Variants in UBE2D2 observed in about 807,000 individuals in gnomAD.
UBE2D2 encodes ubiquitin conjugating enzyme E2 D2.
In UBE2D2, 2 loss-of-function variants were observed where a neutral mutation model predicts 24.2. That is an observed-to-expected ratio of 0.08 (90% CI 0.03 to 0.26). The LOEUF is 0.26. UBE2D2 is among the 10% of genes least tolerant of loss of function. The probability of loss-of-function intolerance (pLI) is 1.00; values close to 1 mark genes in which losing one functional copy is unlikely to be tolerated. For synonymous variants in UBE2D2, 58 were observed against 56.5 expected (o/e 1.03, Z -0.12); for missense variants, 44 against 177.6 (o/e 0.25, Z 4.28).
At chr5:139,609,684 T>TAA (rs1266903858) in intron 2 of UBE2D2, among the ~76,000 whole-genome samples, 1 of 142,818 alleles carries the variant, frequency 7.0e-6, no homozygotes, top group African/African-American at 2.5e-5. Context: ...CATCTCTATT[T>TAA]AAAAAAAAAA....
At chr5:139,619,801 T>C (rs1754481240) in intron 5 of UBE2D2, among the ~76,000 whole-genome samples, 1 of 152,004 alleles carries the variant, frequency 6.6e-6, no homozygotes, top group African/African-American at 2.4e-5. Context: ...AGGCGGAGGT[T>C]GCAGGAAGCT....
chr5:139,560,065 TGCTCGTCGCCCAG>T (rs1285023505), upstream of UBE2D2, among the ~76,000 whole-genome samples: 1 of 151,562 alleles, frequency 6.6e-6, no homozygotes, highest in Non-Finnish European at 1.5e-5. Context: ...GATGGAGTTT[TGCTCGTCGCCCAG>T]GCTGGAGTGC....
chr5:139,569,434 C>T (rs558573775), intron 1 of UBE2D2, among the ~76,000 whole-genome samples: 60 of 152,250 alleles, frequency 3.9e-4, no homozygotes, highest in African/African-American at 1.4e-3. Flanking sequence ...CTGTATATTT[C>T]TCTTAAAATA....
At chr5:139,626,636 G>C in intron 6 of UBE2D2, 120 bp from the exon 7 acceptor site, 2 of 766,538 alleles carry the variant, frequency 2.6e-6, no homozygotes, top group Non-Finnish European at 4.4e-6. Flanking sequence ...ATAGAAAGGG[G>C]CCTTTCCTTG....
At chr5:139,549,429 C>G (rs1025741360) in intron 1 of UBE2D2, among the ~76,000 whole-genome samples, 1 of 152,324 alleles carries the variant, frequency 6.6e-6, no homozygotes, top group African/African-American at 2.4e-5. Flanking sequence ...TTGGCGGCCC[C>G]GCACTCCGAG....
At chr5:139,591,832 C>T (rs1431408886) in intron 1 of UBE2D2, among the ~76,000 whole-genome samples, 1 of 152,052 alleles carries the variant, frequency 6.6e-6, no homozygotes, top group East Asian at 1.9e-4. Context: ...TGTTGCAACC[C>T]TAGTTAAGAT....
Position 139,590,296 on chromosome 5 carries a change from G to A in UBE2D2, c.25-10076G>A, listed in dbSNP as rs148940608. 7.8e-3 allele frequency among the ~76,000 whole-genome samples: 1,184 copies of A among 152,086 alleles called. 8 individuals carry two copies. Among genetic ancestry groups the A allele is most frequent in the Middle Eastern group, 0.041 (12 of 294 alleles). On this transcript the variant is annotated intron_variant, in intron 1 of 6. Coordinates refer to ENST00000398733, the MANE Select transcript of UBE2D2 (RefSeq NM_003339.3). The stretch of plus-strand genomic sequence containing the variant: ...CTAACAATACAAAAAATAGCTGGGC[G>A]TGGTGGTGGATGCCTGTAATCCCAG...
chr5:139,574,103 G>A (rs1202338459), intron 1 of UBE2D2, among the ~76,000 whole-genome samples: 2 of 142,722 alleles, frequency 1.4e-5, no homozygotes, highest in African/African-American at 5.2e-5. Flanking sequence ...TTTTTGAGAC[G>A]AAGTTTCGTT....
At chr5:139,570,168 G>A (rs556776044) in intron 1 of UBE2D2, among the ~76,000 whole-genome samples, 441 of 152,278 alleles carry the variant, frequency 2.9e-3, no homozygotes, top group African/African-American at 0.01. Context: ...TCAGGAGGCT[G>A]AGACAGGAGG....
upstream of UBE2D2, among the ~76,000 whole-genome samples, chr5:139,556,835 C>CT (rs563152839): frequency 0.015 from 2,095 of 144,098 alleles, 13 homozygotes; most frequent in Middle Eastern, 0.043. Flanking sequence ...TAGTTCCATA[C>CT]TTTTTTTTTT....
rs960401122 is a variant in UBE2D2, at chr5:139,605,370, A to G, written c.88+4935A>G. Among the ~76,000 whole-genome samples the G allele has an allele frequency of 5.9e-5, 9 of 152,096 alleles. No individual in the cohort carries two copies. In the South Asian group the frequency reaches 1.9e-3, roughly 32 times the overall value. On this transcript the variant is annotated intron_variant, in intron 2 of 6. Transcript: ENST00000398733. ...CACTTTGGGAGGCCGAGGCGGGCGG[A>G]TCACGAGGTCAGGAGATTGAGACCA...
At chr5:139,562,457 T>C (rs1226166443) in intron 1 of UBE2D2, 40 of 1,282,614 alleles carry the variant, frequency 3.1e-5, no homozygotes, top group Non-Finnish European at 4.1e-5. Flanking sequence ...TTTTATTCCT[T>C]GAGGTTGCTG....
intron 2 of UBE2D2, among the ~76,000 whole-genome samples, chr5:139,612,887 A>T (rs763301395): frequency 6.6e-6 from 1 of 152,096 alleles, no homozygotes; most frequent in Non-Finnish European, 1.5e-5. Context: ...TCATCCTCCC[A>T]TCTCAGCCTC....
intron 1 of UBE2D2, among the ~76,000 whole-genome samples, chr5:139,552,675 ATTTTTTTTT>A (rs35039276): frequency 6.7e-5 from 4 of 59,344 alleles, no homozygotes; most frequent in Non-Finnish European, 1.3e-4. Context: ...CGCTTGGCTA[ATTTTTTTTT>A]TTTTTTTTTT....
At chr5:139,538,570 T>A (rs1235179373) in intron 1 of UBE2D2, among the ~76,000 whole-genome samples, 1 of 151,810 alleles carries the variant, frequency 6.6e-6, no homozygotes, top group Non-Finnish European at 1.5e-5. Context: ...CTTGGTAAAA[T>A]ATATATATAT....
At chr5:139,577,049 A>G (rs576390040) in intron 1 of UBE2D2, among the ~76,000 whole-genome samples, 2 of 150,858 alleles carry the variant, frequency 1.3e-5, no homozygotes, top group African/African-American at 4.9e-5. Flanking sequence ...GTAAAATTTA[A>G]CAGTTTATGT....
chr5:139,562,529 T>G, intron 1 of UBE2D2: 2 of 1,045,784 alleles, frequency 1.9e-6, no homozygotes, highest in Admixed American at 6.7e-5. Flanking sequence ...AAGCTGTACA[T>G]TGGCAAAGGT....
At chr5:139,600,275 C>T (rs756610625) in intron 1 of UBE2D2, 97 bp from the exon 2 acceptor site, 4 of 1,303,628 alleles carry the variant, frequency 3.1e-6, no homozygotes, top group Non-Finnish European at 4.4e-6. Flanking sequence ...AGAGTTTCAC[C>T]AGCAGGACAG....
intron 1 of UBE2D2, among the ~76,000 whole-genome samples, chr5:139,589,230 G>T (rs1245104323): frequency 6.6e-6 from 1 of 151,996 alleles, no homozygotes; most frequent in East Asian, 1.9e-4. Flanking sequence ...CTGCATTCCT[G>T]CCTGGGTGAC....
Sources: gnomAD v4.1 joint callset for allele counts (sites outside exome capture counted in the v4.1 genomes callset) on GRCh38, gnomAD v4.1.1 for gene constraint, MANE v1.5 for transcripts, NCBI Gene and HGNC (gene_info 2026-07-23, HGNC 2026-07-21) for gene names.